The following AMPH variants were observed in gnomAD, a reference collection of about 807,000 sequenced individuals.
The protein encoded by AMPH is amphiphysin.
A neutral mutation model predicts 99.1 loss-of-function variants in AMPH; 49 were observed. That is an observed-to-expected ratio of 0.49 (90% CI 0.39 to 0.63). The LOEUF (loss-of-function observed/expected upper bound fraction) is 0.63. Among genes scored for constraint, AMPH ranks in the 20% least tolerant of loss-of-function variants. AMPH has a pLI of 0.00. For synonymous variants in AMPH, 314 were observed against 317.3 expected, an observed-to-expected ratio of 0.99 and a Z score of 0.11; for missense variants, 759 against 863.4, an observed-to-expected ratio of 0.88 and a Z score of 1.52.
chr7:38,454,342 T>C (rs1463358855), intron 11 of AMPH, among the ~76,000 whole-genome samples: 1 of 152,240 alleles, frequency 6.6e-6, no homozygotes. Flanking sequence ...AGTGTAGTGA[T>C]TGATGTACTC....
At chr7:38,513,038 C>T (rs1339722514) in intron 2 of AMPH, among the ~76,000 whole-genome samples, 1 of 152,084 alleles carries the variant, frequency 6.6e-6, no homozygotes, top group Non-Finnish European at 1.5e-5. Flanking sequence ...AAGCAAGGGC[C>T]GTTACATTCT....
chr7:38,589,244 T>C (rs1792770122), intron 1 of AMPH, among the ~76,000 whole-genome samples: 1 of 152,214 alleles, frequency 6.6e-6, no homozygotes, highest in African/African-American at 2.4e-5. Context: ...AATATCCTTT[T>C]CTAGAATAAA....
intron 1 of AMPH, among the ~76,000 whole-genome samples, chr7:38,594,732 TA>T (rs533472390): frequency 0.022 from 3,284 of 151,612 alleles, 54 homozygotes; most frequent in Middle Eastern, 0.075. Flanking sequence ...ATGTATAGTT[TA>T]AAAAAAAACT....
chr7:38,458,198 CATGT>C (rs1348582121), intron 11 of AMPH, among the ~76,000 whole-genome samples: 2 of 152,098 alleles, frequency 1.3e-5, no homozygotes, highest in Non-Finnish European at 2.9e-5. Context: ...CAAAACTCCA[CATGT>C]ATCCCCTGAA....
chr7:38,579,289 C>T (rs1337671405), intron 1 of AMPH, among the ~76,000 whole-genome samples: 2 of 152,222 alleles, frequency 1.3e-5, no homozygotes, highest in Admixed American at 1.3e-4. Flanking sequence ...CAGTCCAGGG[C>T]TGTCTCCAGT....
At chr7:38,440,306 A>G (rs1786455225) in intron 11 of AMPH, among the ~76,000 whole-genome samples, 1 of 152,228 alleles carries the variant, frequency 6.6e-6, no homozygotes, top group African/African-American at 2.4e-5. Context: ...CCAACTTATA[A>G]TTATATGCCC....
intron 1 of AMPH, 24 bp from the exon 2 acceptor site, chr7:38,535,035 G>C: frequency 6.3e-7 from 1 of 1,584,988 alleles, no homozygotes; most frequent in South Asian, 1.1e-5. Context: ...AAAACAAAAT[G>C]GTTTAATTTA....
intron 4 of AMPH, among the ~76,000 whole-genome samples, chr7:38,492,431 G>A (rs1788755606): frequency 1.3e-5 from 2 of 152,128 alleles, no homozygotes; most frequent in Non-Finnish European, 2.9e-5. Flanking sequence ...CTGGACTGCC[G>A]ACCTTTAAAT....
chr7:38,549,814 A>G (rs1791118282), intron 1 of AMPH, among the ~76,000 whole-genome samples: 1 of 152,222 alleles, frequency 6.6e-6, no homozygotes, highest in Non-Finnish European at 1.5e-5. Context: ...GCATTCTCAC[A>G]AGATAATTAC....
At chr7:38,620,544 T>TACACACACACAC (rs1348103863) in intron 1 of AMPH, among the ~76,000 whole-genome samples, 3 of 111,146 alleles carry the variant, frequency 2.7e-5, no homozygotes, top group African/African-American at 1.0e-4. Context: ...TATATATACA[T>TACACACACACAC]ACATACACAC....
At chr7:38,569,967 T>C (rs113144483) in intron 1 of AMPH, among the ~76,000 whole-genome samples, 9 of 152,308 alleles carry the variant, frequency 5.9e-5, no homozygotes, top group African/African-American at 2.2e-4. Context: ...ATGAATTTCA[T>C]TTTTTCAATC....
chr7:38,550,592 A>G (rs1355101575), intron 1 of AMPH, among the ~76,000 whole-genome samples: 1 of 152,152 alleles, frequency 6.6e-6, no homozygotes, highest in African/African-American at 2.4e-5. Context: ...ATTTTGTTAC[A>G]TGGATATACT....
rs35135533 is a variant in AMPH, at chr7:38,571,908, C to CT, written c.70-36898dup. Among the ~76,000 whole-genome samples the CT allele has an allele frequency of 2.2e-3, 309 of 141,914 alleles. 2 individuals carry two copies. The highest frequency in any genetic ancestry group is 6.9e-3 in the African/African-American group (266 of 38,490). The allele number at this position is 141,914 out of a possible 152,430, so 93.1% of individuals were successfully genotyped here. A position where few individuals can be genotyped will look rare whatever the true frequency, so the allele number is the denominator to read the frequency against. On this transcript the variant is annotated intron_variant, in intron 1 of 20. Coordinates refer to ENST00000356264, the MANE Select transcript of AMPH (RefSeq NM_001635.4). ...TGATAAGTACCCTATACACGTTTAT[C>CT]TTTTTTTTTTTTTTGAGATGGAGTT...
At chr7:38,490,120 C>T (rs1047208259) in intron 5 of AMPH, among the ~76,000 whole-genome samples, 3 of 152,070 alleles carry the variant, frequency 2.0e-5, no homozygotes, top group Non-Finnish European at 4.4e-5. Context: ...CTGAAGATGT[C>T]TCAAAACATG....
intron 1 of AMPH, among the ~76,000 whole-genome samples, chr7:38,560,234 C>T (rs1791508186): frequency 6.6e-6 from 1 of 152,140 alleles, no homozygotes. Flanking sequence ...CTTTCTTTTG[C>T]TTAAGAATCC....
At chr7:38,527,914 T>C (rs1368891836) in intron 2 of AMPH, among the ~76,000 whole-genome samples, 1 of 152,200 alleles carries the variant, frequency 6.6e-6, no homozygotes, top group African/African-American at 2.4e-5. Flanking sequence ...AATGAGGTAA[T>C]TCTCTTCTAT....
At chr7:38,403,304 C>G (rs904978541) in intron 17 of AMPH, among the ~76,000 whole-genome samples, 2 of 152,180 alleles carry the variant, frequency 1.3e-5, no homozygotes, top group Non-Finnish European at 2.9e-5. Flanking sequence ...CTTCTCTACT[C>G]CCCTCCCTTC....
intron 2 of AMPH, among the ~76,000 whole-genome samples, chr7:38,510,923 C>G (rs1789515195): frequency 6.6e-6 from 1 of 152,132 alleles, no homozygotes; most frequent in Non-Finnish European, 1.5e-5. Flanking sequence ...GGAGTTTATT[C>G]CATGTGATTC....
chr7:38,622,454 T>TACACACACAC lies in AMPH; in HGVS notation c.69+8819_69+8828dup, dbSNP rs57860314. 3.2e-3 allele frequency among the ~76,000 whole-genome samples: 479 copies of TACACACACAC among 149,820 alleles called. 2 individuals are homozygous for TACACACACAC. Among genetic ancestry groups the TACACACACAC allele is most frequent in the African/African-American group, 0.011 (446 of 40,694 alleles). ...CTATATATTTGTATGTATGAATACATACACACACACACACACACACACACG... is the reference window on the plus strand; with the variant it reads ...CTATATATTTGTATGTATGAATACATACACACACACACACACACACACACACACACACACG... On this transcript the variant is annotated intron_variant, in intron 1 of 20. Coordinates refer to ENST00000356264, the MANE Select transcript of AMPH (RefSeq NM_001635.4).
Sources: gnomAD v4.1 joint callset for allele counts (sites outside exome capture counted in the v4.1 genomes callset) on GRCh38, gnomAD v4.1.1 for gene constraint, MANE v1.5 for transcripts, NCBI Gene and HGNC (gene_info 2026-07-23, HGNC 2026-07-21) for gene names.